ZNF607: variants seen among roughly 807,000 people sequenced by gnomAD.
ZNF607 encodes the protein zinc finger protein 607.
A neutral mutation model predicts 12.8 loss-of-function variants in ZNF607; 5 were observed. The ratio of observed to expected loss-of-function variants is 0.39; its 90% confidence interval spans 0.20 to 0.82. The LOEUF is 0.82. Ranked by LOEUF, ZNF607 falls within the 40% of genes least tolerant of loss-of-function variation. ZNF607 has a pLI of 0.39. For missense variants in ZNF607, 851 were observed against 859.2 expected (o/e 0.99, Z 0.12); for synonymous variants, 287 against 276.2 (o/e 1.04, Z -0.39).
chr19:37,698,027 C>G lies in ZNF607; in HGVS notation c.*13G>C, dbSNP rs533119644. The stretch of plus-strand genomic sequence containing the variant: ...TGCTTTCTTTACTACCTGTATATGC[C>G]ACAATTTCTCTATCAAATATGAATT... On this transcript the variant is annotated 3_prime_UTR_variant, in exon 5 of 5. Coordinates refer to ENST00000355202, the MANE Select transcript of ZNF607 (RefSeq NM_032689.5). 1 of 1,566,154 alleles carries G rather than the reference C, an allele frequency of 6.4e-7. No homozygotes were observed. The highest frequency in any genetic ancestry group is 1.2e-5 in the South Asian group (1 of 81,902).
chr19:37,698,902 A>G lies in ZNF607; in HGVS notation c.1229T>C (p.Ile410Thr). The G allele has an allele frequency of 6.2e-7, 1 of 1,613,932 alleles. No homozygotes were observed. Among genetic ancestry groups the G allele is most frequent in the Non-Finnish European group, 8.5e-7 (1 of 1,179,948 alleles). Residue 410 changes from isoleucine to threonine, a missense_variant, in exon 5 of 5, where the codon ATA (isoleucine) becomes ACA (threonine). By Grantham distance (89) the Ile-to-Thr change is moderately conservative (BLOSUM62 -1). Transcript: ENST00000355202. ...KSFRLNSSLK[I>T]HQNIHTGEKP... ...CTCACCGGTATGAATATTTTGATGTATTTTAAGGGATGAATTGAGCCTAAA... is the reference window on the plus strand; with the variant it reads ...CTCACCGGTATGAATATTTTGATGTGTTTTAAGGGATGAATTGAGCCTAAA...
rs911926280 is a variant in ZNF607 at position 37,697,378 on chromosome 19, T to C, written c.*662A>G. On this transcript the variant is annotated 3_prime_UTR_variant, in exon 5 of 5. Transcript: ENST00000355202. ...GCTAAGGCCAGGCCAAACTTGCCGA[T>C]GGACTCAAACACTTTGGCAGCCATG... 47 of 1,518,696 alleles carry C rather than the reference T, an allele frequency of 3.1e-5. No individual in the cohort carries two copies. In the Middle Eastern group the frequency reaches 5.7e-4, roughly 18 times the overall value. The allele number at this position is 1,518,696 out of a possible 1,614,324, so 94.1% of individuals were successfully genotyped here. A position where few individuals can be genotyped will look rare whatever the true frequency, so the allele number is the denominator to read the frequency against.
chr19:37,708,103 G>A (rs889868177), intron 3 of ZNF607, 91 bp from the exon 4 acceptor site: 2 of 910,976 alleles, frequency 2.2e-6, no homozygotes, highest in African/African-American at 1.7e-5. Flanking sequence ...AGGTCAAAGT[G>A]ATACTGAGTA....
intron 1 of ZNF607, among the ~76,000 whole-genome samples, chr19:37,714,946 G>A (rs1051068347): frequency 5.3e-5 from 8 of 151,478 alleles, no homozygotes; most frequent in Non-Finnish European, 7.4e-5. Flanking sequence ...GCGTTCTGTC[G>A]CCCAGGCTGG....
At chr19:37,714,563 CA>C (rs56081124) in intron 1 of ZNF607, among the ~76,000 whole-genome samples, 9,090 of 108,120 alleles carry the variant, frequency 0.084, 1,079 homozygotes, top group African/African-American at 0.3. Flanking sequence ...GACCCCATCT[CA>C]AAAAAAAAAA....
rs1344803374 is a variant in ZNF607, at chr19:37,709,761, C to T, written c.71G>A (p.Ser24Asn). 1.2e-6 allele frequency: 2 copies of T among 1,614,040 alleles called. No homozygotes were observed. The highest frequency in any genetic ancestry group is 1.7e-5 in the Admixed American group (1 of 60,000). The change falls in exon 3 of 5, where the codon AGC becomes AAC. Residue 24 changes from serine to asparagine, a missense_variant. Physicochemically the swap from Ser to Asn is conservative, Grantham distance 46 (BLOSUM62 1). Transcript: ENST00000355202. ...CTGGTACAAGGTCTTCTGAACCAGG[C>T]TGAGATATTCCCACTCCTGATGAGA... ...DFSHQEWEYL[S>N]LVQKTLYQEV...
intron 1 of ZNF607, among the ~76,000 whole-genome samples, chr19:37,714,938 G>A (rs891859441): frequency 1.4e-4 from 21 of 151,970 alleles, no homozygotes; most frequent in East Asian, 5.8e-4. Flanking sequence ...ATGGAGTCGC[G>A]TTCTGTCGCC....
At chr19:37,707,853 A>G in intron 4 of ZNF607, 61 bp downstream of exon 4, 2 of 1,290,160 alleles carry the variant, frequency 1.6e-6, no homozygotes, top group Non-Finnish European at 2.2e-6. Flanking sequence ...AAATGAGATG[A>G]CCACTTCCAC....
chr19:37,698,539 T>C lies in ZNF607; in HGVS notation c.1592A>G (p.Lys531Arg), dbSNP rs958305. Residue 531 changes from lysine to arginine, a missense_variant, in exon 5 of 5, where the codon AAA becomes AGA. Physicochemically the swap from Lys to Arg is conservative, Grantham distance 26. Coordinates refer to ENST00000355202, the MANE Select transcript of ZNF607 (RefSeq NM_032689.5). ...TQHLSIHSGK[K>R]PFECNKCGKS... ...CCCGCATTTGTTGCATTCAAAGGGT[T>C]TCTTACCACTGTGAATACTCAGATG... 1,256,752 of 1,613,740 alleles carry C rather than the reference T, an allele frequency of 0.78. 499,672 individuals carry two copies. Among genetic ancestry groups the C allele is most frequent in the Non-Finnish European group, 0.83 (974,007 of 1,179,930 alleles).
intron 1 of ZNF607, among the ~76,000 whole-genome samples, chr19:37,714,187 T>C (rs2045154851): frequency 6.6e-6 from 1 of 151,924 alleles, no homozygotes; most frequent in African/African-American, 2.4e-5. Flanking sequence ...CCAGGCGTGG[T>C]GGCGGGCGCC....
rs748955219 is a variant in ZNF607 at position 37,696,495 on chromosome 19, C to G, written c.*1545G>C. 1 of 372,172 alleles carries G rather than the reference C, an allele frequency of 2.7e-6. No individual in the cohort carries two copies. The highest frequency in any genetic ancestry group is 5.0e-6 in the Non-Finnish European group (1 of 200,662). The allele number at this position is 372,172 out of a possible 1,614,324, so 23.1% of individuals were successfully genotyped here. A position where few individuals can be genotyped will look rare whatever the true frequency, so the allele number is the denominator to read the frequency against. ...GAGATCTGAAGTGATTTTACCTTTA[C>G]TTCCTTCACTTTAAGCCAATCATGA... On this transcript the variant is annotated 3_prime_UTR_variant, in exon 5 of 5. Transcript: ENST00000355202.
intron 4 of ZNF607, among the ~76,000 whole-genome samples, chr19:37,704,836 A>AGTCCCC (rs147733689): frequency 0.075 from 1,029 of 13,632 alleles, 31 homozygotes; most frequent in Admixed American, 0.27. Context: ...GGGCGCCTGT[A>AGTCCCC]GCTATTCAAG....
intron 1 of ZNF607, among the ~76,000 whole-genome samples, chr19:37,712,225 G>A (rs1420372604): frequency 2.0e-5 from 3 of 152,122 alleles, no homozygotes; most frequent in Non-Finnish European, 2.9e-5. Context: ...ATGTGAAATT[G>A]AGAAAAATTC....
chr19:37,698,652 A>T lies in ZNF607; in HGVS notation c.1479T>A (p.Thr493=). 2 of 1,613,060 alleles carry T rather than the reference A, an allele frequency of 1.2e-6. No individual in the cohort carries two copies. The highest frequency in any genetic ancestry group is 1.7e-6 in the Non-Finnish European group (2 of 1,179,748). The change falls in exon 5 of 5, where the codon ACT becomes ACA. Residue 493 remains threonine (T), a synonymous_variant. Coordinates refer to ENST00000355202, the MANE Select transcript of ZNF607 (RefSeq NM_032689.5). ...CACCAGTATGAACTCTGCGATGTAT[A>T]GTGAGTTTATGGCTATAACTAAAAC... ...GKGFSYSHKL[T]IHRRVHTGEK...
intron 4 of ZNF607, among the ~76,000 whole-genome samples, chr19:37,704,728 C>T (rs930876999): frequency 6.6e-6 from 1 of 152,154 alleles, no homozygotes; most frequent in Non-Finnish European, 1.5e-5. Flanking sequence ...ACCGGGCGAG[C>T]GGGCGGATCA....
chr19:37,715,578 C>G (rs2045169924), intron 1 of ZNF607, among the ~76,000 whole-genome samples: 2 of 150,978 alleles, frequency 1.3e-5, no homozygotes, highest in African/African-American at 4.9e-5. Flanking sequence ...GCACTCCAGC[C>G]TGGGCCACAG....
At chr19:37,703,863 G>A (rs549215327) in intron 4 of ZNF607, among the ~76,000 whole-genome samples, 1 of 152,198 alleles carries the variant, frequency 6.6e-6, no homozygotes, top group Admixed American at 6.5e-5. Flanking sequence ...TTGGCCAGGC[G>A]TGGTGGCTCA....
chr19:37,701,665 TA>T (rs1193228764), intron 4 of ZNF607, among the ~76,000 whole-genome samples: 2 of 152,054 alleles, frequency 1.3e-5, no homozygotes, highest in African/African-American at 4.8e-5. Context: ...GCTGAAAATT[TA>T]AAAAAAAGAA....
intron 1 of ZNF607, among the ~76,000 whole-genome samples, chr19:37,718,355 C>A (rs1272146040): frequency 6.6e-6 from 1 of 152,122 alleles, no homozygotes; most frequent in East Asian, 1.9e-4. Context: ...TAATACTTAG[C>A]GCTTATGTTT....
Sources: gnomAD v4.1 joint callset for allele counts (sites outside exome capture counted in the v4.1 genomes callset) on GRCh38, gnomAD v4.1.1 for gene constraint, MANE v1.5 for transcripts, NCBI Gene and HGNC (gene_info 2026-07-23, HGNC 2026-07-21) for gene names.